APOL6: variants seen among roughly 807,000 people sequenced by gnomAD.
APOL6 encodes apolipoprotein L6.
Under a neutral mutation model 2.4 loss-of-function variants are expected in APOL6, and 1 was observed. The observed-to-expected ratio is 0.41, with a 90% CI of 0.15 to 1.94. APOL6 has a LOEUF of 1.94. Ranked by LOEUF, APOL6 falls within the 30% of genes most tolerant of loss-of-function variation. APOL6 has a pLI of 0.30. For missense variants in APOL6, 438 were observed against 429.2 expected, an observed-to-expected ratio of 1.02 and a Z score of -0.18; for synonymous variants, 189 against 169.3, an observed-to-expected ratio of 1.12 and a Z score of -0.90.
intron 1 of APOL6, among the ~76,000 whole-genome samples, chr22:35,650,275 C>G (rs542369174): frequency 2.6e-5 from 4 of 152,082 alleles, no homozygotes; most frequent in Non-Finnish European, 4.4e-5. Context: ...TAGACTACCC[C>G]AAAGAAATAA....
rs1924991904 is a variant in APOL6 at position 35,660,458 on chromosome 22, T to C, written c.*862T>C. ...TGTGAAACAATAAATTTCTGTGGTG[T>C]AAGCAACTCAATCTATAGTAGTTTG... On this transcript the variant is annotated 3_prime_UTR_variant, in exon 3 of 3. Transcript: ENST00000409652. 1 of 152,258 alleles carries C rather than the reference T, an allele frequency of 6.6e-6. No individual in the cohort carries two copies. The highest frequency in any genetic ancestry group is 1.5e-5 in the Non-Finnish European group (1 of 68,040). 9.4% of individuals were successfully genotyped at this position (152,258 alleles called of 1,614,324 possible).
At chr22:35,654,060 A>T (rs1924775810) in intron 1 of APOL6, among the ~76,000 whole-genome samples, 1 of 152,212 alleles carries the variant, frequency 6.6e-6, no homozygotes, top group Non-Finnish European at 1.5e-5. Context: ...AAGAATGGCC[A>T]GACGGAATTG....
rs1398579068 is a variant in APOL6, at chr22:35,667,798, T to C, written c.*8202T>C. The C allele has an allele frequency of 6.6e-6, 1 of 152,222 alleles. No individual in the cohort carries two copies. The allele number at this position is 152,222 out of a possible 1,614,324, so 9.4% of individuals were successfully genotyped here. ...GTTTTTGGTGTTGTTTTATTTTTTT[T>C]CTTACAGGAACTCTTGCAAGAAGAA... On this transcript the variant is annotated 3_prime_UTR_variant, in exon 3 of 3. Coordinates refer to ENST00000409652, the MANE Select transcript of APOL6 (RefSeq NM_030641.4).
Position 35,659,653 on chromosome 22 carries a change from A to C in APOL6, c.*57A>C. On this transcript the variant is annotated 3_prime_UTR_variant, in exon 3 of 3. Transcript: ENST00000409652. Reference sequence around the variant, plus strand: ...TGGAGGTCCAAATAATATCAAGTACATCTTGGAGATGAGGGTGCCTGTCCT... The same window carrying C: ...TGGAGGTCCAAATAATATCAAGTACCTCTTGGAGATGAGGGTGCCTGTCCT... 1.3e-6 allele frequency: 2 copies of C among 1,500,640 alleles called. No homozygotes were observed. Among genetic ancestry groups the C allele is most frequent in the Non-Finnish European group, 1.8e-6 (2 of 1,122,714 alleles). 93.0% of individuals were successfully genotyped at this position (1,500,640 alleles called of 1,614,324 possible). A position where few individuals can be genotyped will look rare whatever the true frequency, so the allele number is the denominator to read the frequency against.
At chr22:35,654,090 G>C (rs1177243870) in intron 1 of APOL6, among the ~76,000 whole-genome samples, 1 of 152,198 alleles carries the variant, frequency 6.6e-6, no homozygotes, top group Non-Finnish European at 1.5e-5. Context: ...GCAAGATATG[G>C]GGGAAGAGAC....
chr22:35,652,009 A>C (rs1012792944), intron 1 of APOL6, among the ~76,000 whole-genome samples: 3 of 152,186 alleles, frequency 2.0e-5, no homozygotes, highest in African/African-American at 7.2e-5. Flanking sequence ...TTTACAGTCC[A>C]ACCAACAGTG....
intron 1 of APOL6, among the ~76,000 whole-genome samples, chr22:35,653,933 G>A (rs1924772521): frequency 6.6e-6 from 1 of 152,198 alleles, no homozygotes; most frequent in African/African-American, 2.4e-5. Flanking sequence ...CCAACTTGGT[G>A]ACACATGGAA....
rs746106170 is a variant in APOL6 at position 35,659,461 on chromosome 22, G to A, written c.897G>A (p.Arg299=). 7 of 1,614,122 alleles carry A rather than the reference G, an allele frequency of 4.3e-6. No homozygotes were observed. The highest frequency in any genetic ancestry group is 8.5e-7 in the Non-Finnish European group (1 of 1,180,036). The stretch of plus-strand genomic sequence containing the variant: ...GCTTGCAGCAGAAAGTGAGGTCAAG[G>A]GCCAGAGGGGTGGGGAAGGATTTAA... ...YKSLQQKVRS[R]ARGVGKDLTG... Residue 299 remains arginine, a synonymous_variant, in exon 3 of 3, where the codon AGG becomes AGA. Coordinates refer to ENST00000409652, the MANE Select transcript of APOL6 (RefSeq NM_030641.4).
chr22:35,658,806 C>T lies in APOL6; in HGVS notation c.242C>T (p.Ala81Val). Residue 81 changes from alanine to valine, a missense_variant, in exon 3 of 3, where the codon GCC becomes GTC. Physicochemically the swap from Ala to Val is moderately conservative, Grantham distance 64. Coordinates refer to ENST00000409652, the MANE Select transcript of APOL6 (RefSeq NM_030641.4). ...AAATTCACCAAGGCTAACATGGTGG[C>T]CACCTCTACTGCTGTCATCTCTGGA... ...HKKFTKANMVATSTAVISGVM... is the reference protein window; with the variant it reads ...HKKFTKANMVVTSTAVISGVM... 2 of 1,614,158 alleles carry T rather than the reference C, an allele frequency of 1.2e-6. No homozygotes were observed. The highest frequency in any genetic ancestry group is 1.7e-6 in the Non-Finnish European group (2 of 1,180,032).
intron 1 of APOL6, among the ~76,000 whole-genome samples, chr22:35,653,916 C>T (rs1924772048): frequency 6.6e-6 from 1 of 152,214 alleles, no homozygotes; most frequent in Admixed American, 6.5e-5. Context: ...TTGCCCACAA[C>T]TTTTGTCCAA....
Position 35,659,493 on chromosome 22 carries a change from C to T in APOL6, c.929C>T (p.Thr310Ile). The T allele has an allele frequency of 6.2e-7, 1 of 1,614,068 alleles. No homozygotes were observed. Among genetic ancestry groups the T allele is most frequent in the Non-Finnish European group, 8.5e-7 (1 of 1,180,008 alleles). ...ARGVGKDLTGTCETEAYWKEL... is the reference protein window; with the variant it reads ...ARGVGKDLTGICETEAYWKEL... ...GGGGTGGGGAAGGATTTAACTGGGA[C>T]CTGCGAAACCGAGGCTTACTGGAAG... Residue 310 changes from threonine to isoleucine, a missense_variant, in exon 3 of 3, where the codon ACC (threonine) becomes ATC (isoleucine). Physicochemically the swap from Thr to Ile is moderately conservative, Grantham distance 89. Coordinates refer to ENST00000409652, the MANE Select transcript of APOL6 (RefSeq NM_030641.4).
chr22:35,659,100 A>C lies in APOL6; in HGVS notation c.536A>C (p.Lys179Thr). The change falls in exon 3 of 3, where the codon AAG becomes ACG. Residue 179 changes from lysine to threonine, a missense_variant. Lys to Thr is a moderately conservative substitution (Grantham distance 78). Transcript: ENST00000409652. ...ATCTATAATCTTAGAAACACCTTGA[A>C]GTATGCCAAGAAAAACGTCCGTGCA... ...KIIYNLRNTLKYAKKNVRAFW... is the reference protein window; with the variant it reads ...KIIYNLRNTLTYAKKNVRAFW... 2 of 1,614,150 alleles carry C rather than the reference A, an allele frequency of 1.2e-6. No individual in the cohort carries two copies. Among genetic ancestry groups the C allele is most frequent in the Non-Finnish European group, 1.7e-6 (2 of 1,180,028 alleles).
rs760992573 is a variant in APOL6 at position 35,659,232 on chromosome 22, C to T, written c.668C>T (p.Ala223Val). Residue 223 changes from alanine to valine, a missense_variant, in exon 3 of 3, where the codon GCG becomes GTG. By Grantham distance (64) the Ala-to-Val change is moderately conservative. Coordinates refer to ENST00000409652, the MANE Select transcript of APOL6 (RefSeq NM_030641.4). ...RSRVQVQKAFAGTTLAMTKNA... is the reference protein window; with the variant it reads ...RSRVQVQKAFVGTTLAMTKNA... Reference sequence around the variant, plus strand: ...CGCGTGCAGGTGCAAAAGGCCTTTGCGGGAACAACACTGGCGATGACCAAA... The same window carrying T: ...CGCGTGCAGGTGCAAAAGGCCTTTGTGGGAACAACACTGGCGATGACCAAA... 26 of 1,614,012 alleles carry T rather than the reference C, an allele frequency of 1.6e-5. No individual in the cohort carries two copies. Among genetic ancestry groups the T allele is most frequent in the Middle Eastern group, 1.6e-4 (1 of 6,082 alleles).
intron 1 of APOL6, among the ~76,000 whole-genome samples, chr22:35,650,150 A>T (rs1924650550): frequency 6.6e-6 from 1 of 152,182 alleles, no homozygotes; most frequent in East Asian, 1.9e-4. Flanking sequence ...AAGCAGGTAG[A>T]TGTATGTCTG....
At chr22:35,655,537 G>T (rs1924821735) in intron 1 of APOL6, among the ~76,000 whole-genome samples, 1 of 151,602 alleles carries the variant, frequency 6.6e-6, no homozygotes, top group South Asian at 2.1e-4. Context: ...ATGTTGTTTG[G>T]GTATCAGTAG....
rs943687866 is a variant in APOL6 at position 35,667,090 on chromosome 22, T to G, written c.*7494T>G. 6.6e-6 allele frequency: 1 copy of G among 152,230 alleles called. No homozygotes were observed. Among genetic ancestry groups the G allele is most frequent in the Non-Finnish European group, 1.5e-5 (1 of 68,038 alleles). The allele number at this position is 152,230 out of a possible 1,614,324, so 9.4% of individuals were successfully genotyped here. ...TTTCTTTAAGGAATCAAACTTGACT[T>G]ATGGAACCAATAAAGTCCTTGGAAA... On this transcript the variant is annotated 3_prime_UTR_variant, in exon 3 of 3. Transcript: ENST00000409652.
At chr22:35,657,028 G>A (rs1426565999) in intron 2 of APOL6, among the ~76,000 whole-genome samples, 1 of 152,222 alleles carries the variant, frequency 6.6e-6, no homozygotes, top group Non-Finnish European at 1.5e-5. Context: ...GGATTCACTG[G>A]AGCAGAGGTG....
chr22:35,648,807 C>G (rs1339125532), intron 1 of APOL6, among the ~76,000 whole-genome samples, 184 bp downstream of exon 1: 1 of 152,190 alleles, frequency 6.6e-6, no homozygotes, highest in East Asian at 1.9e-4. Flanking sequence ...CTGTGTTAAT[C>G]CTGGTAGGTT....
chr22:35,655,811 A>G (rs149620976), intron 1 of APOL6, among the ~76,000 whole-genome samples: 4 of 152,262 alleles, frequency 2.6e-5, no homozygotes, highest in East Asian at 1.9e-4. Context: ...CAGGGATTAA[A>G]TAATTCTCAA....
Sources: allele counts gnomAD v4.1 joint callset (sites outside exome capture counted in the v4.1 genomes callset), GRCh38; gene constraint gnomAD v4.1.1; transcripts MANE v1.5; gene names NCBI Gene and HGNC (gene_info 2026-07-23, HGNC 2026-07-21).